SNCAIP: variants seen among roughly 807,000 people sequenced by gnomAD.
The protein encoded by SNCAIP is synuclein alpha interacting protein.
SNCAIP carries 43 observed loss-of-function variants against 86.7 expected under a neutral mutation model. The ratio of observed to expected loss-of-function variants is 0.50; its 90% confidence interval spans 0.39 to 0.64. The LOEUF (loss-of-function observed/expected upper bound fraction) is 0.64. Ranked by LOEUF, SNCAIP falls within the 30% of genes least tolerant of loss-of-function variation. SNCAIP has a pLI of 0.00. For missense variants in SNCAIP, 981 were observed against 1,103.1 expected (o/e 0.89, Z 1.57); for synonymous variants, 417 against 427.2 (o/e 0.98, Z 0.29).
intron 1 of SNCAIP, among the ~76,000 whole-genome samples, chr5:122,326,700 A>T (rs1288470953): frequency 1.4e-5 from 2 of 147,502 alleles, no homozygotes; most frequent in Non-Finnish European, 3.0e-5. Context: ...GTCAGCCCAA[A>T]TAAGGATTTA....
At chr5:122,459,801 T>C (rs1175912127) in intron 10 of SNCAIP, among the ~76,000 whole-genome samples, 18 of 152,236 alleles carry the variant, frequency 1.2e-4, no homozygotes, top group Admixed American at 1.2e-3. Context: ...TAGATACTTA[T>C]AAGAGTAATA....
intron 1 of SNCAIP, among the ~76,000 whole-genome samples, chr5:122,343,943 G>A (rs774173164): frequency 6.6e-6 from 1 of 152,126 alleles, no homozygotes; most frequent in Non-Finnish European, 1.5e-5. Flanking sequence ...ATGTGGCTGA[G>A]GTCTAAGGCC....
intron 1 of SNCAIP, among the ~76,000 whole-genome samples, chr5:122,325,051 A>C (rs939994837): frequency 7.2e-5 from 11 of 152,206 alleles, no homozygotes; most frequent in African/African-American, 2.2e-4. Context: ...CAGCGTATTG[A>C]ACCCCTCAGT....
At position 122,348,864 on chromosome 5, in the gene SNCAIP, G is replaced by T. The variant is rs539866648; in HGVS notation, c.-47+36580G>T. 9.9e-5 allele frequency among the ~76,000 whole-genome samples: 15 copies of T among 152,234 alleles called. No homozygotes were observed. In the South Asian group the frequency reaches 2.9e-3, roughly 29 times the overall value. Reference sequence around the variant, plus strand: ...CAGGTCTAGTTTAAGCTGCACTGTTGTAAAGTTTTGTACAAAAAAAATACG... The same window carrying T: ...CAGGTCTAGTTTAAGCTGCACTGTTTTAAAGTTTTGTACAAAAAAAATACG... On this transcript the variant is annotated intron_variant, in intron 1 of 10. Transcript: ENST00000261368.
chr5:122,452,988 G>A, intron 10 of SNCAIP: 7 of 1,542,706 alleles, frequency 4.5e-6, no homozygotes, highest in East Asian at 2.4e-5. Context: ...TCTGTGTAAC[G>A]ACACACGGTA....
At chr5:122,402,972 C>T (rs1394324158) in intron 2 of SNCAIP, among the ~76,000 whole-genome samples, 2 of 152,118 alleles carry the variant, frequency 1.3e-5, no homozygotes, top group Non-Finnish European at 2.9e-5. Flanking sequence ...AGAACAATTT[C>T]ATTTTATTTA....
At position 122,451,034 on chromosome 5, in the gene SNCAIP, G is replaced by T; in HGVS notation, c.2187G>T (p.Gly729=). 6.2e-7 allele frequency: 1 copy of T among 1,614,142 alleles called. No homozygotes were observed. Among genetic ancestry groups the T allele is most frequent in the South Asian group, 1.1e-5 (1 of 91,074 alleles). The change falls in exon 10 of 11, where the codon GGG becomes GGT. Residue 729 remains glycine (G), a synonymous_variant. Transcript: ENST00000261368. ...TTAAGAAACACACCTTGGCATCAGG[G>T]GGACGCAGGTTTCCTTTCAGCATCA... ...LMIKKHTLAS[G]GRRFPFSIKA... is the part of the protein sequence containing the mutation.
intron 10 of SNCAIP, among the ~76,000 whole-genome samples, chr5:122,461,875 G>A (rs760128573): frequency 1.5e-4 from 23 of 152,028 alleles, no homozygotes; most frequent in Non-Finnish European, 3.2e-4. Context: ...CGCCATGTTG[G>A]CCAAGCTGGT....
chr5:122,379,640 A>G (rs1040637624), intron 1 of SNCAIP, among the ~76,000 whole-genome samples: 1 of 151,750 alleles, frequency 6.6e-6, no homozygotes, highest in South Asian at 2.1e-4. Flanking sequence ...GAATGCTTCC[A>G]GTTTTTGCCC....
intron 3 of SNCAIP, among the ~76,000 whole-genome samples, chr5:122,411,280 T>A (rs1774063099): frequency 6.6e-6 from 1 of 152,176 alleles, no homozygotes; most frequent in Admixed American, 6.5e-5. Flanking sequence ...TCCCTTTGAC[T>A]TTGTCTGGCT....
intron 1 of SNCAIP, among the ~76,000 whole-genome samples, chr5:122,376,623 G>A (rs1765382468): frequency 6.6e-6 from 1 of 152,094 alleles, no homozygotes; most frequent in East Asian, 1.9e-4. Flanking sequence ...TTACAACAGG[G>A]AACAAATCAT....
chr5:122,390,488 G>T (rs573553919), intron 1 of SNCAIP, among the ~76,000 whole-genome samples: 1 of 152,248 alleles, frequency 6.6e-6, no homozygotes, highest in South Asian at 2.1e-4. Flanking sequence ...TGAGGCAGAG[G>T]GCAGTGCAAT....
chr5:122,332,044 T>A (rs1755463915), intron 1 of SNCAIP, among the ~76,000 whole-genome samples: 1 of 152,170 alleles, frequency 6.6e-6, no homozygotes, highest in Non-Finnish European at 1.5e-5. Context: ...TTGTAAACAG[T>A]GTTGGCTGAT....
intron 1 of SNCAIP, chr5:122,337,001 C>T (rs1185717830): frequency 6.6e-6 from 1 of 152,152 alleles, no homozygotes; most frequent in Non-Finnish European, 1.5e-5. Flanking sequence ...GGTTTCTGCC[C>T]TGTACTTCTG....
chr5:122,380,174 CT>C (rs1410536947), intron 1 of SNCAIP, among the ~76,000 whole-genome samples: 1 of 152,120 alleles, frequency 6.6e-6, no homozygotes, highest in Admixed American at 6.6e-5. Context: ...TGGTCCTGTA[CT>C]CTTTTTGGTT....
Position 122,377,524 on chromosome 5 carries a change from G to T in SNCAIP, c.-46-13565G>T, listed in dbSNP as rs142232663. Among the ~76,000 whole-genome samples the T allele has an allele frequency of 7.3e-3, 1,097 of 151,000 alleles. 10 individuals carry two copies. The highest frequency in any genetic ancestry group is 0.025 in the African/African-American group (1,024 of 41,102). ...AGAGAGAGAGAGAGAGAGAGAGAAAGAAAGAAAGAGAGATCAGATATTTTT... is the reference window on the plus strand; with the variant it reads ...AGAGAGAGAGAGAGAGAGAGAGAAATAAAGAAAGAGAGATCAGATATTTTT... On this transcript the variant is annotated intron_variant, in intron 1 of 10. Coordinates refer to ENST00000261368, the MANE Select transcript of SNCAIP (RefSeq NM_005460.4).
At chr5:122,424,270 C>T (rs1300353297) in intron 4 of SNCAIP, among the ~76,000 whole-genome samples, 2 of 152,230 alleles carry the variant, frequency 1.3e-5, no homozygotes, top group African/African-American at 4.8e-5. Flanking sequence ...TTACTTCCAG[C>T]TCTGCATGTC....
At chr5:122,312,180 C>G (rs541953971), upstream of SNCAIP, 1 of 151,370 alleles carries the variant, frequency 6.6e-6, no homozygotes, top group Admixed American at 6.6e-5. Context: ...GCCTCCACCG[C>G]CCGCCTACTT....
chr5:122,375,227 T>C (rs866145178), intron 1 of SNCAIP, among the ~76,000 whole-genome samples: 2 of 152,144 alleles, frequency 1.3e-5, no homozygotes, highest in Non-Finnish European at 2.9e-5. Context: ...AGTTATCAAA[T>C]TGGTACATTT....
Sources: gnomAD v4.1 joint callset for allele counts (sites outside exome capture counted in the v4.1 genomes callset) on GRCh38, gnomAD v4.1.1 for gene constraint, MANE v1.5 for transcripts, NCBI Gene and HGNC (gene_info 2026-07-23, HGNC 2026-07-21) for gene names.